AFG1L: variants seen among roughly 807,000 people sequenced by gnomAD.
The protein encoded by AFG1L is AFG1-like ATPase.
A neutral mutation model predicts 62.2 loss-of-function variants in AFG1L; 53 were observed. The observed-to-expected ratio is 0.85, with a 90% confidence interval of 0.68 to 1.07. The LOEUF (loss-of-function observed/expected upper bound fraction) is 1.07. AFG1L is among the 50% of genes least tolerant of loss of function. The pLI is 0.00. For missense variants in AFG1L, 555 were observed against 590.5 expected, an observed-to-expected ratio of 0.94 and a Z score of 0.62; for synonymous variants, 228 against 210.3, an observed-to-expected ratio of 1.08 and a Z score of -0.73.
intron 8 of AFG1L, among the ~76,000 whole-genome samples, chr6:108,473,560 T>A (rs1349647655): frequency 1.4e-5 from 2 of 143,602 alleles, no homozygotes; most frequent in Non-Finnish European, 3.2e-5. Flanking sequence ...TTTTTTAAAA[T>A]TTTTTTTATT....
chr6:108,384,964 A>T (rs1330336732), intron 6 of AFG1L, among the ~76,000 whole-genome samples: 1 of 152,168 alleles, frequency 6.6e-6, no homozygotes, highest in Non-Finnish European at 1.5e-5. Flanking sequence ...ACATATTTCC[A>T]ATTAGAATCC....
intron 7 of AFG1L, among the ~76,000 whole-genome samples, chr6:108,413,237 CT>C (rs1190094968): frequency 1.3e-5 from 2 of 152,144 alleles, no homozygotes; most frequent in African/African-American, 4.8e-5. Context: ...TATGTATGCA[CT>C]CAATACGGGA....
At chr6:108,440,291 C>T (rs1336035319) in intron 7 of AFG1L, among the ~76,000 whole-genome samples, 1 of 151,948 alleles carries the variant, frequency 6.6e-6, no homozygotes, top group Non-Finnish European at 1.5e-5. Flanking sequence ...GCCTCAGCCT[C>T]CTGAGTAGCT....
chr6:108,365,587 A>T lies in AFG1L; in HGVS notation c.649-646A>T, dbSNP rs1480810286. On this transcript the variant is annotated intron_variant, in intron 5 of 12. Transcript: ENST00000368977. Reference sequence around the variant, plus strand: ...TGACTGCAGTGCCTTTTGATTATTCATGGACAGTAATAGAAGGCACTTAAA... The same window carrying T: ...TGACTGCAGTGCCTTTTGATTATTCTTGGACAGTAATAGAAGGCACTTAAA... Among the ~76,000 whole-genome samples the T allele has an allele frequency of 1.1e-4, 16 of 147,684 alleles. No individual in the cohort carries two copies. In the Admixed American group the frequency reaches 1.1e-3, roughly 10 times the overall value.
intron 10 of AFG1L, among the ~76,000 whole-genome samples, chr6:108,486,140 T>C (rs1372769039): frequency 1.3e-5 from 2 of 152,234 alleles, no homozygotes; most frequent in African/African-American, 4.8e-5. Flanking sequence ...ACAAGTCTAA[T>C]TCAACCAATT....
intron 7 of AFG1L, among the ~76,000 whole-genome samples, chr6:108,403,833 C>T (rs139831354): frequency 6.6e-6 from 1 of 150,598 alleles, no homozygotes. Flanking sequence ...TTTCTTTGGC[C>T]AGTAATTAGT....
intron 10 of AFG1L, among the ~76,000 whole-genome samples, chr6:108,500,437 G>A (rs945244450): frequency 2.0e-5 from 3 of 152,002 alleles, no homozygotes; most frequent in Non-Finnish European, 2.9e-5. Flanking sequence ...ATCACACAAA[G>A]GATATCATTT....
intron 8 of AFG1L, among the ~76,000 whole-genome samples, chr6:108,475,871 A>G (rs773815419): frequency 1.3e-5 from 2 of 152,226 alleles, no homozygotes; most frequent in Non-Finnish European, 2.9e-5. Context: ...TAATCTAAAT[A>G]AAAGATAACC....
chr6:108,377,685 T>C (rs1322839246), intron 6 of AFG1L, among the ~76,000 whole-genome samples: 1 of 152,154 alleles, frequency 6.6e-6, no homozygotes, highest in African/African-American at 2.4e-5. Flanking sequence ...ATTTTTTCTT[T>C]AACACTGACC....
At chr6:108,498,185 CTG>C (rs1475142446) in intron 10 of AFG1L, among the ~76,000 whole-genome samples, 1 of 152,198 alleles carries the variant, frequency 6.6e-6, no homozygotes, top group Non-Finnish European at 1.5e-5. Context: ...AACTTGAAAA[CTG>C]TGACTTTTGC....
intron 7 of AFG1L, among the ~76,000 whole-genome samples, chr6:108,418,822 A>G (rs1383548653): frequency 6.6e-6 from 1 of 152,204 alleles, no homozygotes; most frequent in Admixed American, 6.5e-5. Flanking sequence ...TGTAAACATT[A>G]TTTAAAATTA....
intron 2 of AFG1L, among the ~76,000 whole-genome samples, chr6:108,345,203 C>G (rs1015773663): frequency 2.0e-5 from 3 of 151,444 alleles, no homozygotes; most frequent in African/African-American, 4.9e-5. Flanking sequence ...CCAGGCTAGT[C>G]TCAAACTCCG....
intron 1 of AFG1L, among the ~76,000 whole-genome samples, chr6:108,310,178 G>A (rs2114836852): frequency 6.6e-6 from 1 of 152,286 alleles, no homozygotes; most frequent in Non-Finnish European, 1.5e-5. Context: ...TTTGACCTGG[G>A]GGAGACGTTA....
At chr6:108,305,680 G>A (rs112236504) in intron 1 of AFG1L, among the ~76,000 whole-genome samples, 2,843 of 152,170 alleles carry the variant, frequency 0.019, 46 homozygotes, top group Middle Eastern at 0.071. Flanking sequence ...CAGTGCGCCC[G>A]CCTCAGCCTC....
chr6:108,380,423 C>G (rs1449941219), intron 6 of AFG1L, among the ~76,000 whole-genome samples: 1 of 152,182 alleles, frequency 6.6e-6, no homozygotes, highest in African/African-American at 2.4e-5. Context: ...ATGGCACACA[C>G]AGATCAGTTG....
intron 1 of AFG1L, among the ~76,000 whole-genome samples, chr6:108,296,427 A>G (rs1367536496): frequency 6.6e-6 from 1 of 152,196 alleles, no homozygotes; most frequent in Non-Finnish European, 1.5e-5. Context: ...GGCAAAATGT[A>G]AGGCTTTTTT....
intron 8 of AFG1L, among the ~76,000 whole-genome samples, chr6:108,472,804 T>C (rs1388579122): frequency 6.7e-6 from 1 of 148,500 alleles, no homozygotes; most frequent in Non-Finnish European, 1.5e-5. Context: ...TCTTTTCTTT[T>C]CTTTTCTTTT....
chr6:108,310,479 T>C (rs570923803), intron 1 of AFG1L, among the ~76,000 whole-genome samples: 2 of 152,330 alleles, frequency 1.3e-5, no homozygotes, highest in Non-Finnish European at 2.9e-5. Context: ...TATTGTTGAA[T>C]TGTAAAAGTT....
chr6:108,391,377 A>T (rs955447648), intron 6 of AFG1L, among the ~76,000 whole-genome samples: 1 of 152,152 alleles, frequency 6.6e-6, no homozygotes, highest in Non-Finnish European at 1.5e-5. Flanking sequence ...TTCCCTGATC[A>T]TTAGTGATGT....
Sources: gnomAD v4.1 joint callset for allele counts (sites outside exome capture counted in the v4.1 genomes callset) on GRCh38, gnomAD v4.1.1 for gene constraint, MANE v1.5 for transcripts, NCBI Gene and HGNC (gene_info 2026-07-23, HGNC 2026-07-21) for gene names.